The following ESCO1 variants were observed in gnomAD, a reference collection of about 807,000 sequenced individuals.
ESCO1 encodes the protein establishment of sister chromatid cohesion N-acetyltransferase 1.
A neutral mutation model predicts 83.5 loss-of-function variants in ESCO1; 33 were observed. The ratio of observed to expected loss-of-function variants is 0.40; its 90% confidence interval spans 0.30 to 0.53. The LOEUF is 0.53. ESCO1 is among the 20% of genes least tolerant of loss of function. ESCO1 has a pLI of 0.63. For synonymous variants in ESCO1, 332 were observed against 324.3 expected, an observed-to-expected ratio of 1.02 and a Z score of -0.25; for missense variants, 855 against 968.0, an observed-to-expected ratio of 0.88 and a Z score of 1.55.
chr18:21,568,690 G>C (rs146770951), intron 4 of ESCO1, among the ~76,000 whole-genome samples: 3,477 of 152,204 alleles, frequency 0.023, 145 homozygotes, highest in African/African-American at 0.08. Context: ...ATCACTTGAG[G>C]TCAGGAGTTC....
chr18:21,574,920 C>A lies in ESCO1; in HGVS notation c.-77G>T. On this transcript the variant is annotated 5_prime_UTR_variant, in exon 4 of 12. Transcript: ENST00000269214. ...CCTGGTAGGCGTGAATGCTGACTAG[C>A]TAGTATTATTACTGAGGAGCAGGTC... 1.8e-6 allele frequency: 2 copies of A among 1,127,144 alleles called. No homozygotes were observed. Among genetic ancestry groups the A allele is most frequent in the Non-Finnish European group, 2.5e-6 (2 of 812,070 alleles). The allele number at this position is 1,127,144 out of a possible 1,614,324, so 69.8% of individuals were successfully genotyped here.
At position 21,593,770 on chromosome 18, in the gene ESCO1, C is replaced by G. The variant is rs7228711; in HGVS notation, c.-825+6853G>C. On this transcript the variant is annotated intron_variant, in intron 1 of 11. Transcript: ENST00000269214. ...GTCTAGTGGCTTGTCAAATTCATAA[C>G]TCCTTTCTGAAAAACCTGCCATGGC... Among the ~76,000 whole-genome samples, 722 of 150,724 alleles carry G rather than the reference C, an allele frequency of 4.8e-3. 7 individuals are homozygous for G. Among genetic ancestry groups the G allele is most frequent in the African/African-American group, 0.017 (685 of 41,044 alleles).
intron 6 of ESCO1, 26 bp from the exon 7 acceptor site, chr18:21,564,343 G>GTAAT (rs1568102497): frequency 1.4e-6 from 2 of 1,409,376 alleles, no homozygotes; most frequent in South Asian, 2.5e-5. Flanking sequence ...ATTACTAAAT[G>GTAAT]TTACAGATCC....
intron 1 of ESCO1, among the ~76,000 whole-genome samples, chr18:21,594,999 C>G (rs923352995): frequency 6.6e-6 from 1 of 150,454 alleles, no homozygotes; most frequent in African/African-American, 2.5e-5. Flanking sequence ...TACAGGAGAG[C>G]ACCACCATGT....
At chr18:21,558,733 A>C (rs2038144933) in intron 8 of ESCO1, among the ~76,000 whole-genome samples, 1 of 151,890 alleles carries the variant, frequency 6.6e-6, no homozygotes, top group Non-Finnish European at 1.5e-5. Context: ...CCTCAAAAAA[A>C]AAAAAAAAAA....
intron 1 of ESCO1, among the ~76,000 whole-genome samples, chr18:21,586,213 A>G (rs1390597070): frequency 6.6e-6 from 1 of 152,160 alleles, no homozygotes; most frequent in Admixed American, 6.5e-5. Flanking sequence ...TCTGGTAACC[A>G]CTATGCTACT....
intron 1 of ESCO1, among the ~76,000 whole-genome samples, chr18:21,590,550 C>G (rs887612028): frequency 5.3e-5 from 8 of 152,064 alleles, no homozygotes; most frequent in African/African-American, 1.9e-4. Flanking sequence ...AAGCAGCTTC[C>G]TATATTCAAT....
At chr18:21,563,850 G>A (rs1032846700) in intron 7 of ESCO1, among the ~76,000 whole-genome samples, 21 of 151,544 alleles carry the variant, frequency 1.4e-4, no homozygotes, top group Non-Finnish European at 5.9e-5. Context: ...ATATGTTTGC[G>A]TCTTAGAGGT....
At chr18:21,544,097 C>T (rs2037940400) in intron 8 of ESCO1, among the ~76,000 whole-genome samples, 1 of 151,772 alleles carries the variant, frequency 6.6e-6, no homozygotes, top group African/African-American at 2.4e-5. Context: ...CACGGTGAAA[C>T]CCTGTCTCTA....
chr18:21,552,490 T>G (rs1209478085), intron 8 of ESCO1, among the ~76,000 whole-genome samples: 4 of 152,218 alleles, frequency 2.6e-5, no homozygotes, highest in African/African-American at 9.6e-5. Flanking sequence ...AGGACAAATC[T>G]GCTTCCCTTT....
At chr18:21,577,373 A>T (rs1191148148) in intron 2 of ESCO1, among the ~76,000 whole-genome samples, 2 of 148,764 alleles carry the variant, frequency 1.3e-5, no homozygotes, top group South Asian at 2.1e-4. Flanking sequence ...AAAAAAAAAA[A>T]AAAAAAAAAA....
intron 8 of ESCO1, among the ~76,000 whole-genome samples, chr18:21,543,151 T>C (rs1168435521): frequency 6.6e-6 from 1 of 152,162 alleles, no homozygotes; most frequent in African/African-American, 2.4e-5. Flanking sequence ...GAAATTATTA[T>C]TATTTTATTT....
At chr18:21,583,136 C>A (rs977658405) in intron 2 of ESCO1, among the ~76,000 whole-genome samples, 3 of 151,962 alleles carry the variant, frequency 2.0e-5, no homozygotes, top group Non-Finnish European at 4.4e-5. Context: ...GAGCCGAAAT[C>A]GTGCCACTGT....
chr18:21,530,508 G>C lies in ESCO1; in HGVS notation c.2376-18C>G, dbSNP rs1251319465. ...AGTTACTCCTATTAAAAAAAAATGG[G>C]GGGGGGGAAGGGTTAAGTGTGAAAT... On this transcript the variant is annotated intron_variant, in intron 11 of 11. Coordinates refer to ENST00000269214, the MANE Select transcript of ESCO1 (RefSeq NM_052911.3). The C allele has an allele frequency of 7.0e-7, 1 of 1,428,794 alleles. No homozygotes were observed. Among genetic ancestry groups the C allele is most frequent in the Non-Finnish European group, 9.4e-7 (1 of 1,066,994 alleles). 88.5% of individuals were successfully genotyped at this position (1,428,794 alleles called of 1,614,324 possible).
At position 21,540,029 on chromosome 18, in the gene ESCO1, T is replaced by TAC. The variant is rs1568092655; in HGVS notation, c.1954-21_1954-20insGT. On this transcript the variant is annotated intron_variant, in intron 8 of 11. Coordinates refer to ENST00000269214, the MANE Select transcript of ESCO1 (RefSeq NM_052911.3). ...CCAGCCCTAGATATATATATATATA[T>TAC]ATACACACATATGTAAAGTATGAAT... 4 of 1,408,612 alleles carry TAC rather than the reference T, an allele frequency of 2.8e-6. No homozygotes were observed. Among genetic ancestry groups the TAC allele is most frequent in the Non-Finnish European group, 3.9e-6 (4 of 1,026,820 alleles). The allele number at this position is 1,408,612 out of a possible 1,614,324, so 87.3% of individuals were successfully genotyped here. A position where few individuals can be genotyped will look rare whatever the true frequency, so the allele number is the denominator to read the frequency against.
chr18:21,572,665 T>A (rs1397305838), intron 4 of ESCO1, among the ~76,000 whole-genome samples: 1 of 152,052 alleles, frequency 6.6e-6, no homozygotes, highest in Non-Finnish European at 1.5e-5. Flanking sequence ...AATATTTAGG[T>A]CAAAAGTAGT....
rs566943036 is a variant in ESCO1, at chr18:21,590,316, G to A, written c.-824-5876C>T. Among the ~76,000 whole-genome samples, 28 of 150,226 alleles carry A rather than the reference G, an allele frequency of 1.9e-4. No individual in the cohort carries two copies. The South Asian group carries it at 3.8e-3, about 20-fold the overall frequency. ...AGCTCACTGCAACCTCCGCCTCCCC[G>A]GTTCAAGCAATTCTCTTGCCTCAGC... On this transcript the variant is annotated intron_variant, in intron 1 of 11. Transcript: ENST00000269214.
At chr18:21,569,679 A>C (rs1029673181) in intron 4 of ESCO1, among the ~76,000 whole-genome samples, 3 of 152,130 alleles carry the variant, frequency 2.0e-5, no homozygotes, top group Non-Finnish European at 4.4e-5. Flanking sequence ...CAAGAGGCAG[A>C]GGTTGCAGTG....
intron 1 of ESCO1, among the ~76,000 whole-genome samples, chr18:21,588,976 T>C (rs2038622157): frequency 6.6e-6 from 1 of 152,106 alleles, no homozygotes; most frequent in South Asian, 2.1e-4. Flanking sequence ...GCGCGGTGGC[T>C]CACGCCTGTA....
Sources: allele counts gnomAD v4.1 joint callset (sites outside exome capture counted in the v4.1 genomes callset), GRCh38; gene constraint gnomAD v4.1.1; transcripts MANE v1.5; gene names NCBI Gene and HGNC (gene_info 2026-07-23, HGNC 2026-07-21).